The following CHD2 variants were observed in gnomAD, a reference collection of about 807,000 sequenced individuals.
The protein encoded by CHD2 is chromodomain helicase DNA binding protein 2, also known as ATP-dependent chromatin remodeler CHD2.
A neutral mutation model predicts 243.9 loss-of-function variants in CHD2; 28 were observed. That is an observed-to-expected ratio of 0.11 (90% CI 0.09 to 0.16). The LOEUF (loss-of-function observed/expected upper bound fraction) is 0.16, where lower values mean the gene tolerates loss of function less well. Among genes scored for constraint, CHD2 ranks in the 10% least tolerant of loss-of-function variants. The pLI is 1.00. For missense variants in CHD2, 1,386 were observed against 2,209.8 expected (o/e 0.63, Z 7.47); for synonymous variants, 775 against 779.0 (o/e 0.99, Z 0.09).
At position 92,946,121 on chromosome 15, in the gene CHD2, G is replaced by C. The variant is rs1223270189; in HGVS notation, c.1282G>C (p.Glu428Gln). The part of the protein sequence containing the change: ...MGLPYSECSW[E>Q]DEALIGKKFQ... Reference sequence around the variant, plus strand: ...ACTCCCCTATTCAGAGTGTAGCTGGGAAGATGAAGCCCTCATTGGAAAGAA... The same window carrying C: ...ACTCCCCTATTCAGAGTGTAGCTGGCAAGATGAAGCCCTCATTGGAAAGAA... Residue 428 changes from glutamate to glutamine, a missense_variant, in exon 12 of 39, where the codon GAA becomes CAA. Physicochemically the swap from Glu to Gln is conservative, Grantham distance 29. Around this residue, in one of 19 missense-constraint regions of CHD2, gnomAD observed 200 missense variants for 292.5 expected, o/e 0.68. Coordinates refer to ENST00000394196, the MANE Select transcript of CHD2 (RefSeq NM_001271.4). 1 of 1,613,200 alleles carries C rather than the reference G, an allele frequency of 6.2e-7. No homozygotes were observed. Among genetic ancestry groups the C allele is most frequent in the Admixed American group, 1.7e-5 (1 of 60,020 alleles).
At chr15:92,909,485 T>C (rs879934167) in intron 2 of CHD2, among the ~76,000 whole-genome samples, 3 of 152,166 alleles carry the variant, frequency 2.0e-5, no homozygotes, top group Non-Finnish European at 2.9e-5. Context: ...TTTTTGTTGT[T>C]GTTGGGACAG....
At chr15:92,999,172 A>G (rs987282112) in intron 31 of CHD2, among the ~76,000 whole-genome samples, 1 of 151,516 alleles carries the variant, frequency 6.6e-6, no homozygotes, top group Admixed American at 6.6e-5. Context: ...TCCTTCTGAA[A>G]TGTTGCTTCA....
chr15:92,924,169 G>A, intron 2 of CHD2, 152 bp from the exon 3 acceptor site: 1 of 604,416 alleles, frequency 1.7e-6, no homozygotes, highest in Non-Finnish European at 2.9e-6. Context: ...AACGTTATTT[G>A]GAATGTAAAA....
chr15:92,939,459 C>A (rs984792028), intron 6 of CHD2, 119 bp from the exon 7 acceptor site: 8 of 1,056,698 alleles, frequency 7.6e-6, no homozygotes, highest in Non-Finnish European at 1.1e-5. Flanking sequence ...GTTTAACATT[C>A]CCCAAGTGAA....
intron 10 of CHD2, 134 bp downstream of exon 10, chr15:92,944,649 T>C: frequency 2.4e-6 from 1 of 409,760 alleles, no homozygotes; most frequent in Non-Finnish European, 4.4e-6. Context: ...AAGGAAAAGC[T>C]AAGAAGATTT....
At position 92,998,247 on chromosome 15, in the gene CHD2, C is replaced by T; in HGVS notation, c.3886-252C>T. The T allele has an allele frequency of 8.3e-7, 1 of 1,199,078 alleles. No individual in the cohort carries two copies. Among genetic ancestry groups the T allele is most frequent in the African/African-American group, 1.5e-5 (1 of 64,682 alleles). The allele number at this position is 1,199,078 out of a possible 1,614,324, so 74.3% of individuals were successfully genotyped here. The stretch of plus-strand genomic sequence containing the variant: ...CCCCTCCTACCTGAGTTGTTCTACC[C>T]TGTTAACAGCACAGGTAGGAGCCAT... On this transcript the variant is annotated intron_variant, in intron 30 of 38. Transcript: ENST00000394196. The surrounding 1 kb of genome is among the most constrained non-coding windows in gnomAD (Gnocchi z 5.1).
intron 2 of CHD2, among the ~76,000 whole-genome samples, chr15:92,915,936 C>G (rs1182701570): frequency 1.3e-5 from 2 of 152,204 alleles, no homozygotes; most frequent in South Asian, 2.1e-4. Flanking sequence ...TCACCTAAGA[C>G]AAATGCGTAT....
intron 13 of CHD2, among the ~76,000 whole-genome samples, chr15:92,950,695 G>C (rs1036019552): frequency 6.6e-5 from 10 of 151,424 alleles, no homozygotes; most frequent in African/African-American, 2.4e-4. Flanking sequence ...CAAGGTTGCA[G>C]TGAGCCATTT....
intron 13 of CHD2, among the ~76,000 whole-genome samples, chr15:92,949,956 A>T (rs2141804633): frequency 6.6e-6 from 1 of 152,282 alleles, no homozygotes; most frequent in Non-Finnish European, 1.5e-5. Flanking sequence ...CACAATCTAG[A>T]CTGATTCCGA....
intron 26 of CHD2, among the ~76,000 whole-genome samples, chr15:92,988,163 A>T (rs1055896970): frequency 2.0e-5 from 3 of 151,538 alleles, no homozygotes; most frequent in African/African-American, 7.3e-5. Flanking sequence ...GCCCACTGCA[A>T]CCTCCACTTC....
intron 15 of CHD2, 94 bp downstream of exon 15, chr15:92,955,606 A>C: frequency 1.4e-6 from 1 of 709,654 alleles, no homozygotes. Context: ...TGTTAGAAAT[A>C]AATACTTGAA....
In CHD2 at chr15:92,917,219, C is replaced by T. The variant is rs116282038; in HGVS notation, c.63-7102C>T. ...ATTCTGAAGAAGCACAGGACTTGAA[C>T]CAAAGGTGGAGAGTTTAAAGAACTA... On this transcript the variant is annotated intron_variant, in intron 2 of 38. Transcript: ENST00000394196. 8.8e-3 allele frequency among the ~76,000 whole-genome samples: 1,338 copies of T among 152,232 alleles called. 19 individuals carry two copies. The highest frequency in any genetic ancestry group is 0.03 in the African/African-American group (1,266 of 41,512).
intron 37 of CHD2, among the ~76,000 whole-genome samples, chr15:93,019,037 A>T (rs1021319889): frequency 6.6e-6 from 1 of 152,194 alleles, no homozygotes; most frequent in Non-Finnish European, 1.5e-5. Context: ...TTTCCTTAGG[A>T]GAAAAGGAAG....
intron 16 of CHD2, among the ~76,000 whole-genome samples, chr15:92,957,525 T>C (rs1001274395): frequency 5.9e-5 from 9 of 152,192 alleles, no homozygotes; most frequent in African/African-American, 1.9e-4. Flanking sequence ...CATTAAATTA[T>C]GTATGAAAAT....
chr15:92,980,689 T>C (rs2053968363), intron 22 of CHD2, 126 bp from the exon 23 acceptor site: 2 of 657,002 alleles, frequency 3.0e-6, no homozygotes. Context: ...TGAGAAATCA[T>C]TTTTCTTGAG....
At chr15:92,980,402 A>G (rs2033844) in intron 22 of CHD2, among the ~76,000 whole-genome samples, 34,037 of 151,948 alleles carry the variant, frequency 0.22, 4,274 homozygotes, top group Middle Eastern at 0.3. Flanking sequence ...CTTCCTAAAT[A>G]AAATGTTTTC....
intron 22 of CHD2, among the ~76,000 whole-genome samples, chr15:92,980,084 G>A (rs531737548): frequency 7.9e-5 from 12 of 151,434 alleles, no homozygotes; most frequent in East Asian, 1.9e-4. Context: ...TCGCTCGGTC[G>A]CCCAGGTTGG....
At chr15:92,940,910 AT>A (rs1366244828) in intron 7 of CHD2, among the ~76,000 whole-genome samples, 7 of 93,618 alleles carry the variant, frequency 7.5e-5, no homozygotes, top group Admixed American at 2.9e-4. Flanking sequence ...ATAAATATAT[AT>A]ATAAATATAC....
At chr15:93,013,500 A>G (rs1458688339) in intron 36 of CHD2, among the ~76,000 whole-genome samples, 1 of 152,206 alleles carries the variant, frequency 6.6e-6, no homozygotes, top group East Asian at 1.9e-4. Flanking sequence ...CATTGTCACA[A>G]CCTTTCTGGA....
Sources: gnomAD v4.1 joint callset for allele counts (sites outside exome capture counted in the v4.1 genomes callset) on GRCh38, gnomAD v4.1.1 for gene constraint, gnomAD v4.1.1 regional missense constraint, Gnocchi (gnomAD v3.1) non-coding constraint, MANE v1.5 for transcripts, NCBI Gene and HGNC (gene_info 2026-07-23, HGNC 2026-07-21) for gene names.